CTNND2: variants seen among roughly 807,000 people sequenced by gnomAD.
CTNND2 encodes catenin delta-2.
Under a neutral mutation model 144.4 loss-of-function variants are expected in CTNND2, and 22 were observed. The observed-to-expected ratio is 0.15, with a 90% CI of 0.11 to 0.22. The LOEUF (loss-of-function observed/expected upper bound fraction) is 0.22. Among genes scored for constraint, CTNND2 ranks in the 10% least tolerant of loss-of-function variants. The pLI, the probability that CTNND2 is intolerant of heterozygous loss-of-function variation, is 1.00. For synonymous variants in CTNND2, 751 were observed against 695.6 expected, an observed-to-expected ratio of 1.08 and a Z score of -1.25; for missense variants, 1,353 against 1,618.8, an observed-to-expected ratio of 0.84 and a Z score of 2.82.
At position 11,611,727 on chromosome 5, in the gene CTNND2, G is replaced by A. The variant is rs902686151; in HGVS notation, c.175-46671C>T. On this transcript the variant is annotated intron_variant, in intron 2 of 21. Transcript: ENST00000304623. ...CGGGAGGCCGAGGCTGCAGTGAGCCGAGATCGCGCCAATGCACTCCAGCCT... is the reference window on the plus strand; with the variant it reads ...CGGGAGGCCGAGGCTGCAGTGAGCCAAGATCGCGCCAATGCACTCCAGCCT... Among the ~76,000 whole-genome samples, 12 of 152,190 alleles carry A rather than the reference G, an allele frequency of 7.9e-5. No individual in the cohort carries two copies. The East Asian group carries it at 9.6e-4, about 12-fold the overall frequency.
intron 3 of CTNND2, among the ~76,000 whole-genome samples, chr5:11,496,648 C>T (rs550299468): frequency 1.3e-5 from 2 of 152,250 alleles, no homozygotes; most frequent in South Asian, 4.1e-4. Context: ...TCCCTCATTA[C>T]TGTCAGTAAA....
chr5:11,807,535 A>G (rs919672635), intron 1 of CTNND2, among the ~76,000 whole-genome samples: 4 of 152,212 alleles, frequency 2.6e-5, no homozygotes, highest in Non-Finnish European at 5.9e-5. Flanking sequence ...GTTCAAAGGA[A>G]CAGGTGTATT....
intron 9 of CTNND2, among the ~76,000 whole-genome samples, chr5:11,302,360 G>A (rs1749699858): frequency 6.6e-6 from 1 of 152,050 alleles, no homozygotes; most frequent in Admixed American, 6.5e-5. Context: ...CACACCTGGA[G>A]ACAGCTCTTA....
chr5:11,201,991 T>G (rs1477652953), intron 10 of CTNND2, among the ~76,000 whole-genome samples: 1 of 152,208 alleles, frequency 6.6e-6, no homozygotes, highest in Non-Finnish European at 1.5e-5. Flanking sequence ...GGTTAAACTA[T>G]GAGTATCACT....
intron 1 of CTNND2, among the ~76,000 whole-genome samples, chr5:11,858,726 G>C (rs1220224175): frequency 1.3e-5 from 2 of 152,156 alleles, no homozygotes; most frequent in East Asian, 1.9e-4. Flanking sequence ...TCAGGAGATG[G>C]AGACCATCCT....
chr5:11,252,884 C>T (rs1430882702), intron 9 of CTNND2, among the ~76,000 whole-genome samples: 1 of 152,198 alleles, frequency 6.6e-6, no homozygotes, highest in African/African-American at 2.4e-5. Context: ...CACCATGTTT[C>T]TTATGGCTCT....
chr5:11,639,473 A>G (rs1222224516), intron 2 of CTNND2, among the ~76,000 whole-genome samples: 2 of 152,210 alleles, frequency 1.3e-5, no homozygotes, highest in African/African-American at 4.8e-5. Context: ...CATATTCTAA[A>G]AGAGCATCTG....
At chr5:11,539,104 T>G (rs911095334) in intron 3 of CTNND2, among the ~76,000 whole-genome samples, 2 of 152,176 alleles carry the variant, frequency 1.3e-5, no homozygotes, top group African/African-American at 4.8e-5. Flanking sequence ...ATGTTCAGGC[T>G]GTAGGGGACA....
chr5:10,993,023 T>C (rs1160771478), intron 18 of CTNND2, among the ~76,000 whole-genome samples: 2 of 152,160 alleles, frequency 1.3e-5, no homozygotes, highest in East Asian at 3.9e-4. Context: ...CCGACCTGGT[T>C]CCAGCTCTGC....
intron 1 of CTNND2, among the ~76,000 whole-genome samples, chr5:11,763,279 A>G (rs1314628813): frequency 6.6e-6 from 1 of 152,160 alleles, no homozygotes; most frequent in Non-Finnish European, 1.5e-5. Flanking sequence ...AGTTCTTTAT[A>G]GCAGTGTGAG....
chr5:11,717,224 G>C (rs1416263229), intron 2 of CTNND2, among the ~76,000 whole-genome samples: 1 of 151,902 alleles, frequency 6.6e-6, no homozygotes, highest in Non-Finnish European at 1.5e-5. Context: ...TTTTTGAAAA[G>C]ACAGAAAATG....
chr5:11,181,810 A>G (rs2149800605), intron 11 of CTNND2, among the ~76,000 whole-genome samples: 2 of 102,032 alleles, frequency 2.0e-5, no homozygotes, highest in Non-Finnish European at 4.0e-5. Context: ...TGTGTGGTGA[A>G]TGCGTGTGGT....
intron 9 of CTNND2, among the ~76,000 whole-genome samples, chr5:11,237,569 T>C (rs895187689): frequency 6.6e-6 from 1 of 152,030 alleles, no homozygotes; most frequent in South Asian, 2.1e-4. Context: ...GGCATAATTA[T>C]AGCTCACCGC....
At chr5:11,611,525 C>G (rs1257902508) in intron 2 of CTNND2, among the ~76,000 whole-genome samples, 1 of 152,090 alleles carries the variant, frequency 6.6e-6, no homozygotes, top group Non-Finnish European at 1.5e-5. Context: ...TGCCTGTAAT[C>G]CTAGCGCTTT....
In CTNND2 at chr5:11,300,805, C is replaced by A. The variant is rs1295788935; in HGVS notation, c.1628+45567G>T. ...CCACTACTCTTTTGAGCACCCCCAG[C>A]CTCCACTCCCATCCCCTCAAGGGTG... On this transcript the variant is annotated intron_variant, in intron 9 of 21. Coordinates refer to ENST00000304623, the MANE Select transcript of CTNND2 (RefSeq NM_001332.4). Among the ~76,000 whole-genome samples, 4 of 152,280 alleles carry A rather than the reference C, an allele frequency of 2.6e-5. No homozygotes were observed. The East Asian group carries it at 5.8e-4, about 22-fold the overall frequency.
chr5:11,082,838 T>C lies in CTNND2; in HGVS notation c.2646A>G (p.Val882=), dbSNP rs373350805. ...CTTTTCGGACAGCGGCTCGGATATA[T>C]ACTGACCACTGCAAAAACAGGGAAG... ...NLAAGSWKWS[V]YIRAAVRKEK... Residue 882 remains valine (V), a synonymous_variant, in exon 16 of 22, where the codon GTA becomes GTG. Transcript: ENST00000304623. The C allele has an allele frequency of 1.2e-5, 19 of 1,614,008 alleles. No homozygotes were observed. Among genetic ancestry groups the C allele is most frequent in the African/African-American group, 4.0e-5 (3 of 75,024 alleles).
chr5:11,479,419 T>A (rs1223427904), intron 3 of CTNND2, among the ~76,000 whole-genome samples: 1 of 152,228 alleles, frequency 6.6e-6, no homozygotes, highest in Admixed American at 6.5e-5. Context: ...TTTAGGTAGA[T>A]AACATGTCTT....
chr5:11,612,699 AGACCGGCCTGG>A (rs1162516875), intron 2 of CTNND2, among the ~76,000 whole-genome samples: 2 of 152,108 alleles, frequency 1.3e-5, no homozygotes, highest in Non-Finnish European at 2.9e-5. Flanking sequence ...CAGGAGTTTG[AGACCGGCCTGG>A]GCAACATACT....
At chr5:11,789,115 T>G (rs1791004354) in intron 1 of CTNND2, among the ~76,000 whole-genome samples, 1 of 152,170 alleles carries the variant, frequency 6.6e-6, no homozygotes, top group Admixed American at 6.5e-5. Flanking sequence ...TTTTACACTG[T>G]TGGTGGGACT....
Sources: gnomAD v4.1 joint callset for allele counts (sites outside exome capture counted in the v4.1 genomes callset) on GRCh38, gnomAD v4.1.1 for gene constraint, MANE v1.5 for transcripts, NCBI Gene and HGNC (gene_info 2026-07-23, HGNC 2026-07-21) for gene names.